KIF21A: variants seen among roughly 807,000 people sequenced by gnomAD.
The protein encoded by KIF21A is kinesin-like protein KIF21A.
Under a neutral mutation model 202.9 loss-of-function variants are expected in KIF21A, and 114 were observed. The ratio of observed to expected loss-of-function variants is 0.56; its 90% CI spans 0.48 to 0.66. The LOEUF is 0.66. Ranked by LOEUF, KIF21A falls within the 30% of genes least tolerant of loss-of-function variation. KIF21A has a pLI of 0.00. For synonymous variants in KIF21A, 667 were observed against 670.8 expected, an observed-to-expected ratio of 0.99 and a Z score of 0.09; for missense variants, 1,677 against 1,994.9, an observed-to-expected ratio of 0.84 and a Z score of 3.04.
At chr12:39,340,817 CTTCTATTTTTTTTCTTCTAAAGGA>C (rs1318509020) in intron 15 of KIF21A, 65 bp downstream of exon 15, 49 of 917,570 alleles carry the variant, frequency 5.3e-5, no homozygotes, top group Non-Finnish European at 8.1e-5. Flanking sequence ...TTTAATACGG[CTTCTATTTTTTTTCTTCTAAAGGA>C]AAAGATAAAA....
chr12:39,332,521 G>C (rs1383776998), intron 20 of KIF21A, 70 bp downstream of exon 20: 1 of 1,310,554 alleles, frequency 7.6e-7, no homozygotes, highest in African/African-American at 1.7e-5. Flanking sequence ...ATTTACCCAG[G>C]GAACAAAATT....
chr12:39,419,357 T>C (rs1954050543), intron 1 of KIF21A, among the ~76,000 whole-genome samples: 1 of 152,350 alleles, frequency 6.6e-6, no homozygotes, highest in African/African-American at 2.4e-5. Flanking sequence ...ATCTAGTTAC[T>C]GTAAGATGCA....
At chr12:39,407,594 T>C (rs1179267619) in intron 1 of KIF21A, among the ~76,000 whole-genome samples, 3 of 152,158 alleles carry the variant, frequency 2.0e-5, no homozygotes, top group Non-Finnish European at 4.4e-5. Context: ...GTGAGATAAA[T>C]ACTATAATTA....
At chr12:39,357,144 G>T (rs1948835531) in intron 9 of KIF21A, 104 bp downstream of exon 9, 4 of 991,414 alleles carry the variant, frequency 4.0e-6, no homozygotes, top group East Asian at 4.8e-5. Flanking sequence ...TATACACAGA[G>T]ACTGGCATTT....
At chr12:39,361,516 TTC>T (rs1949208299) in intron 7 of KIF21A, among the ~76,000 whole-genome samples, 1 of 143,670 alleles carries the variant, frequency 7.0e-6, no homozygotes, top group Non-Finnish European at 1.5e-5. Context: ...AAACAGAACT[TTC>T]TTTCTTTTTT....
chr12:39,406,426 C>T (rs1445826704), intron 1 of KIF21A, among the ~76,000 whole-genome samples: 1 of 152,166 alleles, frequency 6.6e-6, no homozygotes, highest in East Asian at 1.9e-4. Flanking sequence ...GTACTGGAAC[C>T]AGGGAGTTGG....
At position 39,421,853 on chromosome 12, in the gene KIF21A, T is replaced by TTA. The variant is rs562906463; in HGVS notation, c.44+21072_44+21073dup. Among the ~76,000 whole-genome samples the TTA allele has an allele frequency of 2.6e-3, 388 of 147,406 alleles. 3 individuals carry two copies. The highest frequency in any genetic ancestry group is 8.7e-3 in the African/African-American group (356 of 40,698). ...TATATTATATAATTACATATATAAT[T>TTA]TATATATATAAATAATAAACATATA... On this transcript the variant is annotated intron_variant, in intron 1 of 37. Transcript: ENST00000361418.
At position 39,340,383 on chromosome 12, in the gene KIF21A, T is replaced by C. The variant is rs779025806; in HGVS notation, c.2111-19A>G. 15 of 1,551,702 alleles carry C rather than the reference T, an allele frequency of 9.7e-6. No homozygotes were observed. The South Asian group carries it at 1.5e-4, about 15-fold the overall frequency. ...ACCGAGCCTAAATGACCAGAGGACA[T>C]TTTTATATGTTTTTTTGTGAGACAC... On this transcript the variant is annotated intron_variant, in intron 15 of 37. Coordinates refer to ENST00000361418, the MANE Select transcript of KIF21A (RefSeq NM_001173464.2).
At chr12:39,401,456 C>CA (rs1233826354) in intron 1 of KIF21A, among the ~76,000 whole-genome samples, 8 of 151,944 alleles carry the variant, frequency 5.3e-5, no homozygotes, top group Non-Finnish European at 1.0e-4. Context: ...GGGGAAAAAA[C>CA]AAAAAACATT....
intron 3 of KIF21A, among the ~76,000 whole-genome samples, chr12:39,368,258 T>G (rs1258705059): frequency 6.6e-6 from 1 of 152,166 alleles, no homozygotes; most frequent in Non-Finnish European, 1.5e-5. Context: ...TAATCATGAC[T>G]AATGGGTTGA....
chr12:39,428,401 T>G (rs1954925338), intron 1 of KIF21A, among the ~76,000 whole-genome samples: 2 of 152,314 alleles, frequency 1.3e-5, no homozygotes, highest in Non-Finnish European at 2.9e-5. Context: ...CTCAGAAACT[T>G]GTTTTTCAAC....
rs143104820 is a variant in KIF21A, at chr12:39,372,488, C to T, written c.45-2227G>A. ...ATCATGTGGTCTTCTCTCAGAGCAC[C>T]AGCTTCCTCAACTGTGGTGGAAAAC... On this transcript the variant is annotated intron_variant, in intron 1 of 37. Transcript: ENST00000361418. Among the ~76,000 whole-genome samples, 411 of 152,268 alleles carry T rather than the reference C, an allele frequency of 2.7e-3. 1 individual carries two copies. Among genetic ancestry groups the T allele is most frequent in the South Asian group, 0.017 (81 of 4,828 alleles).
rs1947495500 is a variant in KIF21A, at chr12:39,342,128, A to G, written c.1713-4T>C. The G allele has an allele frequency of 6.3e-7, 1 of 1,590,618 alleles. No homozygotes were observed. The highest frequency in any genetic ancestry group is 1.7e-5 in the Admixed American group (1 of 59,854). On this transcript the variant is annotated splice_polypyrimidine_tract_variant and splice_region_variant and intron_variant, in intron 12 of 37. Coordinates refer to ENST00000361418, the MANE Select transcript of KIF21A (RefSeq NM_001173464.2). The stretch of plus-strand genomic sequence containing the variant: ...ATTATCCTCTTTACCAGCCACACTA[A>G]AAAAAGGAACATAAGGGTATGGTGT...
chr12:39,307,644 T>C lies in KIF21A; in HGVS notation c.4363A>G (p.Asn1455Asp), dbSNP rs1427117718. The C allele has an allele frequency of 1.9e-6, 3 of 1,614,064 alleles. No homozygotes were observed. The highest frequency in any genetic ancestry group is 2.5e-6 in the Non-Finnish European group (3 of 1,179,922). ...CCAGTTGGGTTTAGGGCAATTTGAT[T>C]GATCTGGTTCTCTCCAGAAGGAATA... is the stretch of plus-strand genomic sequence containing the variant. ...VAIPSGENQI[N>D]QIALNPTGTF... The change falls in exon 34 of 38, where the codon AAT (asparagine) becomes GAT (aspartate). Residue 1455 changes from asparagine to aspartate, a missense_variant. Asn to Asp is a conservative substitution (Grantham distance 23). Coordinates refer to ENST00000361418, the MANE Select transcript of KIF21A (RefSeq NM_001173464.2).
intron 1 of KIF21A, among the ~76,000 whole-genome samples, chr12:39,391,476 G>A (rs1331618339): frequency 3.3e-5 from 5 of 152,046 alleles, no homozygotes; most frequent in Non-Finnish European, 2.9e-5. Flanking sequence ...GGTGGCTCAC[G>A]TCTGTAATCC....
At chr12:39,420,381 C>T (rs987020017) in intron 1 of KIF21A, among the ~76,000 whole-genome samples, 5 of 152,074 alleles carry the variant, frequency 3.3e-5, no homozygotes, top group African/African-American at 1.2e-4. Context: ...GGAAGCTGCC[C>T]TCAGGAGGCT....
intron 6 of KIF21A, among the ~76,000 whole-genome samples, chr12:39,363,829 C>T (rs1222422671): frequency 2.6e-5 from 4 of 152,146 alleles, no homozygotes; most frequent in African/African-American, 9.7e-5. Context: ...ACCAACCCGA[C>T]CAACATGGGG....
intron 28 of KIF21A, 29 bp downstream of exon 28, chr12:39,319,877 C>CT (rs1945015179): frequency 8.0e-7 from 1 of 1,256,040 alleles, no homozygotes; most frequent in Non-Finnish European, 1.2e-6. Flanking sequence ...TTAATACAGT[C>CT]TAGCAGGTAA....
chr12:39,315,870 AG>A lies in KIF21A; in HGVS notation c.3947+61del, dbSNP rs1944481688. The A allele has an allele frequency of 3.3e-6, 4 of 1,214,542 alleles. No individual in the cohort carries two copies. In the East Asian group the frequency reaches 9.3e-5, roughly 28 times the overall value. The allele number at this position is 1,214,542 out of a possible 1,614,324, so 75.2% of individuals were successfully genotyped here. A position where few individuals can be genotyped will look rare whatever the true frequency, so the allele number is the denominator to read the frequency against. ...AAAATGAGACTTGCTTAGAATTTCTAGGAAGGCACTTTAGAACATCAATGAA... is the reference window on the plus strand; with the variant it reads ...AAAATGAGACTTGCTTAGAATTTCTAGAAGGCACTTTAGAACATCAATGAA... On this transcript the variant is annotated intron_variant, in intron 30 of 37. Transcript: ENST00000361418.
Sources: gnomAD v4.1 joint callset for allele counts (sites outside exome capture counted in the v4.1 genomes callset) on GRCh38, gnomAD v4.1.1 for gene constraint, MANE v1.5 for transcripts, NCBI Gene and HGNC (gene_info 2026-07-23, HGNC 2026-07-21) for gene names.